Variants in MTUS2 observed in about 807,000 individuals in gnomAD.
The protein encoded by MTUS2 is microtubule-associated tumor suppressor candidate 2.
Under a neutral mutation model 114.1 loss-of-function variants are expected in MTUS2, and 40 were observed. The ratio of observed to expected loss-of-function variants is 0.35; its 90% CI spans 0.27 to 0.46. The LOEUF is 0.46. Among genes scored for constraint, MTUS2 ranks in the 20% least tolerant of loss-of-function variants. The pLI, the probability that MTUS2 is intolerant of heterozygous loss-of-function variation, is 1.00. For synonymous variants in MTUS2, 688 were observed against 672.0 expected (o/e 1.02, Z -0.37); for missense variants, 1,679 against 1,705.4 (o/e 0.98, Z 0.27).
chr13:29,251,295 A>G (rs190967363), intron 5 of MTUS2, among the ~76,000 whole-genome samples: 121 of 143,246 alleles, frequency 8.4e-4, no homozygotes, highest in African/African-American at 2.7e-3. Context: ...GGATGATGAT[A>G]ATAATAATAA....
chr13:29,276,798 C>T (rs1593252411), intron 5 of MTUS2, among the ~76,000 whole-genome samples: 2 of 151,948 alleles, frequency 1.3e-5, no homozygotes, highest in South Asian at 2.1e-4. Flanking sequence ...CTGGGGAGGA[C>T]GAGGCAGGGA....
intron 1 of MTUS2, among the ~76,000 whole-genome samples, chr13:28,835,688 T>C (rs1436930457): frequency 6.6e-6 from 1 of 152,154 alleles, no homozygotes; most frequent in Non-Finnish European, 1.5e-5. Context: ...ATTTAAGAAA[T>C]TGTTTATCTT....
chr13:28,910,768 A>G lies in MTUS2; in HGVS notation c.-243+70918A>G, dbSNP rs1880368074. Among the ~76,000 whole-genome samples, 2 of 140,468 alleles carry G rather than the reference A, an allele frequency of 1.4e-5. 1 individual carries two copies. Among genetic ancestry groups the G allele is most frequent in the African/African-American group, 5.4e-5 (2 of 37,266 alleles). 92.2% of individuals were successfully genotyped at this position (140,468 alleles called of 152,430 possible). On this transcript the variant is annotated intron_variant, in intron 2 of 15. Transcript: ENST00000612955. ...AATGTATATGTATCACATTTTCTTTATCCAGTCTATCATTGATGGGCATTT... is the reference window on the plus strand; with the variant it reads ...AATGTATATGTATCACATTTTCTTTGTCCAGTCTATCATTGATGGGCATTT...
chr13:29,005,782 C>T lies in MTUS2; in HGVS notation c.-242-18675C>T, dbSNP rs139039093. The stretch of plus-strand genomic sequence containing the variant: ...CAAAAAGTAACCTGGTATTGTTAAC[C>T]TAGGACATAGTCTGCGCCAAAGTAC... On this transcript the variant is annotated intron_variant, in intron 2 of 15. Transcript: ENST00000612955. Among the ~76,000 whole-genome samples the T allele has an allele frequency of 1.1e-4, 16 of 152,288 alleles. No homozygotes were observed. In the East Asian group the frequency reaches 2.3e-3, roughly 22 times the overall value.
At chr13:28,859,402 C>G (rs185777219) in intron 2 of MTUS2, among the ~76,000 whole-genome samples, 21 of 152,140 alleles carry the variant, frequency 1.4e-4, no homozygotes, top group Admixed American at 1.3e-3. Context: ...CTCATCCTTG[C>G]GGTCCAGTGA....
intron 5 of MTUS2, among the ~76,000 whole-genome samples, chr13:29,233,101 C>G (rs1896397721): frequency 6.6e-6 from 1 of 152,102 alleles, no homozygotes; most frequent in African/African-American, 2.4e-5. Context: ...CATGTGTTGG[C>G]CTTACTGTTG....
chr13:28,870,261 T>C (rs1001667542), intron 2 of MTUS2, among the ~76,000 whole-genome samples: 4 of 152,186 alleles, frequency 2.6e-5, no homozygotes, highest in African/African-American at 4.8e-5. Flanking sequence ...AATTTTTACT[T>C]TAAAATACCT....
chr13:29,229,573 C>A (rs943691821), intron 5 of MTUS2, among the ~76,000 whole-genome samples: 2 of 152,272 alleles, frequency 1.3e-5, no homozygotes, highest in African/African-American at 4.8e-5. Context: ...GGGTTGGACT[C>A]GGTCTCAATT....
intron 6 of MTUS2, chr13:29,307,899 T>C (rs1899551579): frequency 1.8e-6 from 1 of 546,196 alleles, no homozygotes; most frequent in African/African-American, 1.9e-5. Flanking sequence ...AGAGTTTCCA[T>C]GCAGATCTCC....
At chr13:29,095,155 T>C (rs995863881) in intron 4 of MTUS2, among the ~76,000 whole-genome samples, 6 of 152,116 alleles carry the variant, frequency 3.9e-5, no homozygotes, top group African/African-American at 1.4e-4. Flanking sequence ...GGTGGAATGT[T>C]TTATAGAGGT....
chr13:29,012,458 G>A (rs1220260371), intron 2 of MTUS2, among the ~76,000 whole-genome samples: 1 of 152,202 alleles, frequency 6.6e-6, no homozygotes, highest in Non-Finnish European at 1.5e-5. Flanking sequence ...GGAAGAAGTG[G>A]AGAGGGTTTG....
intron 2 of MTUS2, among the ~76,000 whole-genome samples, chr13:28,931,899 A>G (rs796278810): frequency 2.4e-4 from 37 of 152,178 alleles, no homozygotes; most frequent in African/African-American, 7.7e-4. Flanking sequence ...TCATTGTTCA[A>G]TTCCCACCTA....
intron 7 of MTUS2, among the ~76,000 whole-genome samples, chr13:29,351,582 A>G (rs1869276179): frequency 6.6e-6 from 1 of 151,258 alleles, no homozygotes; most frequent in Admixed American, 6.6e-5. Context: ...AAAGGCCACT[A>G]CTGATTTCTT....
chr13:28,914,978 T>A (rs1745540883), intron 2 of MTUS2, among the ~76,000 whole-genome samples: 2 of 152,030 alleles, frequency 1.3e-5, no homozygotes, highest in Admixed American at 6.6e-5. Flanking sequence ...TTTGAGCCTA[T>A]GTGTGTCTTT....
chr13:29,373,896 A>C (rs1871377182), intron 8 of MTUS2, among the ~76,000 whole-genome samples: 1 of 152,240 alleles, frequency 6.6e-6, no homozygotes, highest in African/African-American at 2.4e-5. Context: ...CAAACAGTAA[A>C]ACCATGATGA....
intron 2 of MTUS2, among the ~76,000 whole-genome samples, chr13:28,929,911 ACT>A (rs1881524231): frequency 6.6e-6 from 1 of 151,780 alleles, no homozygotes; most frequent in Admixed American, 6.6e-5. Flanking sequence ...TAAGAAGAAA[ACT>A]CTGGTGACCT....
intron 5 of MTUS2, among the ~76,000 whole-genome samples, chr13:29,223,869 G>A (rs1896003031): frequency 6.6e-6 from 1 of 152,196 alleles, no homozygotes. Flanking sequence ...GCTTCCAGGA[G>A]CCACCACATT....
intron 2 of MTUS2, among the ~76,000 whole-genome samples, chr13:28,896,895 A>G (rs948273978): frequency 6.6e-6 from 1 of 152,236 alleles, no homozygotes; most frequent in Admixed American, 6.5e-5. Context: ...TTATACAAAA[A>G]TTAATTCAAG....
At chr13:29,162,143 C>G (rs1189846325) in intron 5 of MTUS2, among the ~76,000 whole-genome samples, 1 of 152,130 alleles carries the variant, frequency 6.6e-6, no homozygotes, top group Non-Finnish European at 1.5e-5. Context: ...AAATTTCCCC[C>G]CTTATTATAA....
Sources: gnomAD v4.1 joint callset for allele counts (sites outside exome capture counted in the v4.1 genomes callset) on GRCh38, gnomAD v4.1.1 for gene constraint, MANE v1.5 for transcripts, NCBI Gene and HGNC (gene_info 2026-07-23, HGNC 2026-07-21) for gene names.